The following MARF1 variants were observed in gnomAD, a reference collection of about 807,000 sequenced individuals.
The protein encoded by MARF1 is meiosis regulator and mRNA stability factor 1.
A neutral mutation model predicts 168.2 loss-of-function variants in MARF1; 24 were observed. That is an observed-to-expected ratio of 0.14 (90% CI 0.10 to 0.20). The LOEUF (loss-of-function observed/expected upper bound fraction) is 0.20, where lower values mean the gene tolerates loss of function less well. Ranked by LOEUF, MARF1 falls within the 10% of genes least tolerant of loss-of-function variation. The pLI is 1.00. For synonymous variants in MARF1, 868 were observed against 822.4 expected (o/e 1.06, Z -0.95); for missense variants, 1,744 against 2,143.6 (o/e 0.81, Z 3.68).
At position 15,631,490 on chromosome 16, in the gene MARF1, A is replaced by G; in HGVS notation, c.1242T>C (p.Val414=). Reference sequence around the variant, plus strand: ...TCTTTGCAGTAGCATTGATGTGGGCAACGGTTACCTGCATTAATTTATAAT... The same window carrying G: ...TCTTTGCAGTAGCATTGATGTGGGCGACGGTTACCTGCATTAATTTATAAT... ...IQELNNCQVT[V]AHINATAKNA... Residue 414 remains valine (V), a synonymous_variant, in exon 6 of 27, where the codon GTT becomes GTC. Transcript: ENST00000396368. 6 of 1,609,570 alleles carry G rather than the reference A, an allele frequency of 3.7e-6. No homozygotes were observed. The highest frequency in any genetic ancestry group is 5.1e-6 in the Non-Finnish European group (6 of 1,176,458).
chr16:15,612,305 A>T (rs1176983791), intron 17 of MARF1, among the ~76,000 whole-genome samples: 2 of 152,114 alleles, frequency 1.3e-5, no homozygotes, highest in African/African-American at 2.4e-5. Context: ...GGGATGAAGA[A>T]GGTCTATAGA....
chr16:15,625,529 G>T lies in MARF1; in HGVS notation c.1796C>A (p.Ala599Asp). ...TTTTTTGGGAGACTTCACTTTATCAGCAATTGCATTTGAACTCTTTGTTTC... is the reference window on the plus strand; with the variant it reads ...TTTTTTGGGAGACTTCACTTTATCATCAATTGCATTTGAACTCTTTGTTTC... The part of the protein sequence containing the change: ...LCETKSSNAI[A>D]DKVKSPKKLK... Residue 599 changes from alanine (A) to aspartate (D), a missense_variant, in exon 8 of 27, where the codon GCT (alanine) becomes GAT (aspartate). Physicochemically the swap from Ala to Asp is moderately radical, Grantham distance 126 (BLOSUM62 -2). Around this residue, in one of 7 missense-constraint regions of MARF1, gnomAD observed 270 missense variants for 260.6 expected, o/e 1.04. Coordinates refer to ENST00000396368, the MANE Select transcript of MARF1 (RefSeq NM_014647.4). 6.2e-7 allele frequency: 1 copy of T among 1,614,168 alleles called. No individual in the cohort carries two copies. The highest frequency in any genetic ancestry group is 8.5e-7 in the Non-Finnish European group (1 of 1,180,036).
chr16:15,599,532 C>T (rs567509802), intron 25 of MARF1, among the ~76,000 whole-genome samples: 1 of 152,302 alleles, frequency 6.6e-6, no homozygotes, highest in East Asian at 1.9e-4. Context: ...CCCAGGAGGG[C>T]GCTTCATAAA....
At chr16:15,607,089 T>C (rs2033082517) in intron 21 of MARF1, among the ~76,000 whole-genome samples, 3 of 152,108 alleles carry the variant, frequency 2.0e-5, no homozygotes, top group Admixed American at 2.0e-4. Context: ...CCTCCTGCGA[T>C]GCTGCTGGCC....
rs2031573345 is a variant in MARF1, at chr16:15,595,300, C to T, written c.*1393G>A. 6.6e-6 allele frequency: 1 copy of T among 152,524 alleles called. No individual in the cohort carries two copies. Among genetic ancestry groups the T allele is most frequent in the Non-Finnish European group, 1.5e-5 (1 of 68,008 alleles). 9.4% of individuals were successfully genotyped at this position (152,524 alleles called of 1,614,324 possible). On this transcript the variant is annotated 3_prime_UTR_variant, in exon 27 of 27. Coordinates refer to ENST00000396368, the MANE Select transcript of MARF1 (RefSeq NM_014647.4). Reference sequence around the variant, plus strand: ...TCTCTCTATAGCCCTTATTTTGTGGCATTTTATCAAAATGCTATGAAATCA... The same window carrying T: ...TCTCTCTATAGCCCTTATTTTGTGGTATTTTATCAAAATGCTATGAAATCA...
intron 5 of MARF1, among the ~76,000 whole-genome samples, chr16:15,632,356 T>TAAC (rs1300428882): frequency 5.3e-5 from 8 of 152,196 alleles, no homozygotes; most frequent in African/African-American, 1.9e-4. Flanking sequence ...AATCTGCCTT[T>TAAC]TGTTGTTGTT....
chr16:15,612,503 A>G, intron 17 of MARF1, 54 bp downstream of exon 17: 1 of 1,470,294 alleles, frequency 6.8e-7, no homozygotes, highest in Non-Finnish European at 9.5e-7. Flanking sequence ...AGGCAGCCAA[A>G]GCCATGGAGG....
rs747781368 is a variant in MARF1, at chr16:15,639,205, G to C, written c.29C>G (p.Ser10Cys). 1.9e-6 allele frequency: 3 copies of C among 1,614,006 alleles called. No individual in the cohort carries two copies. The highest frequency in any genetic ancestry group is 1.7e-6 in the Non-Finnish European group (2 of 1,179,978). The change falls in exon 2 of 27, where the codon TCC becomes TGC. Residue 10 changes from serine (S) to cysteine (C), a missense_variant. Coordinates refer to ENST00000396368, the MANE Select transcript of MARF1 (RefSeq NM_014647.4). MMEGNGTEN[S>C]CSRTRGWLQQ... ...AAGCCATCCACGTGTTCTACTGCAGGAGTTCTCAGTTCCGTTTCCTTCCAT... is the reference window on the plus strand; with the variant it reads ...AAGCCATCCACGTGTTCTACTGCAGCAGTTCTCAGTTCCGTTTCCTTCCAT...
rs1480173133 is a variant in MARF1, at chr16:15,595,135, C to T, written c.*1558G>A. On this transcript the variant is annotated 3_prime_UTR_variant, in exon 27 of 27. Coordinates refer to ENST00000396368, the MANE Select transcript of MARF1 (RefSeq NM_014647.4). ...ACTATGTCTGTAGAGGAAATGCCTT[C>T]AGGAGGATTCGGAGAGTGCCATAAT... The T allele has an allele frequency of 1.3e-5, 2 of 152,610 alleles. No individual in the cohort carries two copies. The highest frequency in any genetic ancestry group is 2.9e-5 in the Non-Finnish European group (2 of 68,032). 9.5% of individuals were successfully genotyped at this position (152,610 alleles called of 1,614,324 possible).
At chr16:15,623,272 ATC>A in intron 10 of MARF1, 149 bp from the exon 11 acceptor site, 13 of 287,952 alleles carry the variant, frequency 4.5e-5, no homozygotes, top group East Asian at 9.9e-5. Context: ...TGTGTTTTTA[ATC>A]TTTTTTTTTT....
intron 16 of MARF1, among the ~76,000 whole-genome samples, chr16:15,613,641 CA>C (rs2033774254): frequency 8.1e-6 from 1 of 123,520 alleles, no homozygotes; most frequent in Admixed American, 8.8e-5. Context: ...CAGCCTGGGA[CA>C]CAGAGCGAGA....
intron 10 of MARF1, 149 bp from the exon 11 acceptor site, chr16:15,623,272 A>ATATT (rs1567566905): frequency 1.1e-4 from 32 of 287,926 alleles, no homozygotes; most frequent in Non-Finnish European, 1.4e-4. Context: ...TGTGTTTTTA[A>ATATT]TCTTTTTTTT....
intron 17 of MARF1, 34 bp downstream of exon 17, chr16:15,612,523 G>C (rs778874977): frequency 6.4e-7 from 1 of 1,558,430 alleles, no homozygotes. Flanking sequence ...GAACATTCCT[G>C]CCTGTAAACA....
At chr16:15,621,102 C>CA (rs1471057756) in intron 12 of MARF1, among the ~76,000 whole-genome samples, 3 of 144,732 alleles carry the variant, frequency 2.1e-5, no homozygotes, top group African/African-American at 7.6e-5. Flanking sequence ...CTGAGAACAA[C>CA]AACAAAAAAA....
At chr16:15,642,336 C>T (rs183116563) in intron 1 of MARF1, 4 of 152,028 alleles carry the variant, frequency 2.6e-5, no homozygotes, top group Admixed American at 2.6e-4. Flanking sequence ...ACTATTCCAA[C>T]TCCTGTCCTT....
intron 22 of MARF1, 44 bp from the exon 23 acceptor site, chr16:15,602,247 C>T (rs750540711): frequency 1.9e-6 from 3 of 1,541,856 alleles, no homozygotes; most frequent in East Asian, 4.5e-5. Context: ...TAGTGACTGG[C>T]CCTGCCCCGT....
chr16:15,636,516 G>A (rs2035608518), intron 2 of MARF1, among the ~76,000 whole-genome samples, 174 bp from the exon 3 acceptor site: 1 of 152,168 alleles, frequency 6.6e-6, no homozygotes, highest in African/African-American at 2.4e-5. Flanking sequence ...TCTTCAGAGA[G>A]GTCTGCAGGA....
At chr16:15,628,109 C>T (rs150681993) in intron 7 of MARF1, among the ~76,000 whole-genome samples, 41 of 152,280 alleles carry the variant, frequency 2.7e-4, no homozygotes, top group African/African-American at 9.4e-4. Flanking sequence ...TAAAGACCAG[C>T]CATACAAGTA....
chr16:15,624,894 A>G lies in MARF1; in HGVS notation c.2145T>C (p.Ser715=). The change falls in exon 10 of 27, where the codon AGT becomes AGC. Residue 715 remains serine, a synonymous_variant. Transcript: ENST00000396368. ...CTTTATCTTTTTTCTCTACAGGAGA[A>G]CTGGTAACACTTCGGGCACTGAGGT... ...KENLSARSVT[S]SPVEKKDKEE... is the part of the protein sequence containing the mutation. 2.5e-6 allele frequency: 4 copies of G among 1,614,176 alleles called. No individual in the cohort carries two copies. Among genetic ancestry groups the G allele is most frequent in the Non-Finnish European group, 3.4e-6 (4 of 1,180,032 alleles).
Sources: gnomAD v4.1 joint callset for allele counts (sites outside exome capture counted in the v4.1 genomes callset) on GRCh38, gnomAD v4.1.1 for gene constraint, gnomAD v4.1.1 regional missense constraint, MANE v1.5 for transcripts, NCBI Gene and HGNC (gene_info 2026-07-23, HGNC 2026-07-21) for gene names.